CCNG1: variants seen among roughly 807,000 people sequenced by gnomAD.
CCNG1 encodes the protein cyclin G1, also known as cyclin-G1.
A neutral mutation model predicts 30.0 loss-of-function variants in CCNG1; 13 were observed. That is an observed-to-expected ratio of 0.43 (90% confidence interval 0.28 to 0.69). The LOEUF (loss-of-function observed/expected upper bound fraction) is 0.69. CCNG1 is among the 30% of genes least tolerant of loss of function. CCNG1 has a pLI of 0.16. For missense variants in CCNG1, 285 were observed against 331.4 expected, an observed-to-expected ratio of 0.86 and a Z score of 1.09; for synonymous variants, 110 against 121.5, an observed-to-expected ratio of 0.91 and a Z score of 0.62.
chr5:163,445,099 T>C (rs1030547075), downstream of CCNG1: 7 of 152,182 alleles, frequency 4.6e-5, no homozygotes, highest in Non-Finnish European at 1.0e-4. Flanking sequence ...AAAAGCTATC[T>C]CTACTCAGTA....
downstream of CCNG1, chr5:163,450,565 A>G (rs1758153631): frequency 6.6e-6 from 1 of 152,246 alleles, no homozygotes; most frequent in South Asian, 2.1e-4. Flanking sequence ...TAAGCACAAG[A>G]AAGAATGCTC....
chr5:163,440,318 A>G (rs1757740362), intron 2 of CCNG1, among the ~76,000 whole-genome samples: 1 of 152,220 alleles, frequency 6.6e-6, no homozygotes, highest in Non-Finnish European at 1.5e-5. Flanking sequence ...ACAAATGAAT[A>G]ATATACAGCT....
the CCNG1 span, chr5:163,457,459 T>G: frequency 3.9e-6 from 3 of 760,574 alleles, no homozygotes; most frequent in African/African-American, 3.5e-5. Flanking sequence ...TTCTATTGCT[T>G]TATCTTTCAA....
downstream of CCNG1, chr5:163,448,584 C>G (rs1362307541): frequency 6.6e-6 from 1 of 152,140 alleles, no homozygotes; most frequent in African/African-American, 2.4e-5. Flanking sequence ...TTCTACAAAT[C>G]TCTTCCAGAA....
chr5:163,453,159 A>C, the CCNG1 span: 1 of 152,244 alleles, frequency 6.6e-6, no homozygotes, highest in East Asian at 1.9e-4. Context: ...TTTTCTATGC[A>C]TGAGATTTAA....
the CCNG1 span, chr5:163,453,359 T>G: frequency 6.6e-6 from 1 of 152,318 alleles, no homozygotes; most frequent in East Asian, 1.9e-4. Flanking sequence ...ATGATCACAC[T>G]TCTCTTTTGT....
At position 163,444,665 on chromosome 5, in the gene CCNG1, G is replaced by C. The variant is rs1757982872; in HGVS notation, c.*995G>C. The stretch of plus-strand genomic sequence containing the variant: ...CTATGAATGAAGCTGCTGAAGTAGT[G>C]TTTAGGATCCTCCATGGCAGTTAGT... On this transcript the variant is annotated 3_prime_UTR_variant, in exon 7 of 7. Coordinates refer to ENST00000340828, the MANE Select transcript of CCNG1 (RefSeq NM_004060.4). The C allele has an allele frequency of 6.6e-6, 1 of 152,628 alleles. No homozygotes were observed. Among genetic ancestry groups the C allele is most frequent in the Non-Finnish European group, 1.5e-5 (1 of 68,050 alleles). 9.5% of individuals were successfully genotyped at this position (152,628 alleles called of 1,614,324 possible). A position where few individuals can be genotyped will look rare whatever the true frequency, so the allele number is the denominator to read the frequency against.
At chr5:163,457,623 C>T in the CCNG1 span, 1 of 1,531,002 alleles carries the variant, frequency 6.5e-7, no homozygotes, top group Non-Finnish European at 9.0e-7. Flanking sequence ...GAAAAATAAA[C>T]ATATAAGGTG....
At chr5:163,443,031 C>T (rs544953545) in intron 6 of CCNG1, among the ~76,000 whole-genome samples, 10 of 152,232 alleles carry the variant, frequency 6.6e-5, no homozygotes, top group Middle Eastern at 6.8e-3. Flanking sequence ...AAAAGTAGGC[C>T]GGATGCAGTG....
chr5:163,457,431 C>A, the CCNG1 span: 2 of 646,824 alleles, frequency 3.1e-6, no homozygotes, highest in Non-Finnish European at 5.5e-6. Flanking sequence ...CTTTGACATA[C>A]AACGGTTTTC....
chr5:163,443,737 A>G lies in CCNG1; in HGVS notation c.*67A>G, dbSNP rs1231161046. 6.6e-7 allele frequency: 1 copy of G among 1,522,992 alleles called. No homozygotes were observed. Among genetic ancestry groups the G allele is most frequent in the East Asian group, 2.5e-5 (1 of 40,750 alleles). The allele number at this position is 1,522,992 out of a possible 1,614,324, so 94.3% of individuals were successfully genotyped here. On this transcript the variant is annotated 3_prime_UTR_variant, in exon 7 of 7. Coordinates refer to ENST00000340828, the MANE Select transcript of CCNG1 (RefSeq NM_004060.4). Reference sequence around the variant, plus strand: ...TCCACAACCTTGTTCTATGGATTCCATAATGTTACAATGGATTTAAGCTAT... The same window carrying G: ...TCCACAACCTTGTTCTATGGATTCCGTAATGTTACAATGGATTTAAGCTAT...
chr5:163,447,866 A>G (rs1204977233), downstream of CCNG1: 1 of 152,264 alleles, frequency 6.6e-6, no homozygotes, highest in Admixed American at 6.5e-5. Flanking sequence ...GTCTTAAAAA[A>G]TATTTTAAAA....
the CCNG1 span, among the ~76,000 whole-genome samples, chr5:163,455,249 C>G: frequency 8.6e-5 from 13 of 152,032 alleles, 1 homozygote; most frequent in South Asian, 1.9e-3. Context: ...GTTAGCCAAA[C>G]TGTGGGAGAA....
At chr5:163,456,820 G>GA in the CCNG1 span, 1 of 884,742 alleles carries the variant, frequency 1.1e-6, no homozygotes, top group Non-Finnish European at 1.6e-6. Flanking sequence ...AATTCTTCTA[G>GA]AAAATGTTTG....
At chr5:163,439,156 G>A (rs1312474615) in intron 1 of CCNG1, 101 bp from the exon 2 acceptor site, 7 of 996,128 alleles carry the variant, frequency 7.0e-6, no homozygotes, top group Admixed American at 2.3e-5. Context: ...ATTGGGGGAT[G>A]GGAGGCTTAT....
Position 163,444,922 on chromosome 5 carries a change from ATTG to A in CCNG1, c.*1255_*1257del, listed in dbSNP as rs1254571653. On this transcript the variant is annotated 3_prime_UTR_variant, in exon 7 of 7. Coordinates refer to ENST00000340828, the MANE Select transcript of CCNG1 (RefSeq NM_004060.4). ...TAAATTTCAATATTTTGAATACATC[ATTG>A]TTAATTTTGAGTTGGCAGAGGTAAA... 3 of 152,624 alleles carry A rather than the reference ATTG, an allele frequency of 2.0e-5. No homozygotes were observed. Among genetic ancestry groups the A allele is most frequent in the African/African-American group, 7.2e-5 (3 of 41,458 alleles). 9.5% of individuals were successfully genotyped at this position (152,624 alleles called of 1,614,324 possible).
At chr5:163,438,746 G>A (rs1173228451) in intron 1 of CCNG1, among the ~76,000 whole-genome samples, 1 of 151,566 alleles carries the variant, frequency 6.6e-6, no homozygotes, top group Non-Finnish European at 1.5e-5. Context: ...GCATGGTTCC[G>A]ACCGGGCGCG....
At chr5:163,452,656 TAATC>T in the CCNG1 span, 1 of 152,166 alleles carries the variant, frequency 6.6e-6, no homozygotes, top group African/African-American at 2.4e-5. Flanking sequence ...GACACTACCT[TAATC>T]AGTCATCTAA....
the CCNG1 span, chr5:163,452,352 G>C: frequency 6.6e-6 from 1 of 152,266 alleles, no homozygotes; most frequent in South Asian, 2.1e-4. Flanking sequence ...GTCGAGGACA[G>C]CATGAGAAGC....
Sources: allele counts gnomAD v4.1 joint callset (sites outside exome capture counted in the v4.1 genomes callset), GRCh38; gene constraint gnomAD v4.1.1; transcripts MANE v1.5; gene names NCBI Gene and HGNC (gene_info 2026-07-23, HGNC 2026-07-21).